FASN: variants seen among roughly 807,000 people sequenced by gnomAD.
FASN encodes 3-hydroxyacyl-[acyl-carrier-protein] dehydratase.
In FASN, 50 loss-of-function variants were observed where a neutral mutation model predicts 250.0. The observed-to-expected ratio is 0.20, with a 90% CI of 0.16 to 0.25. The LOEUF (loss-of-function observed/expected upper bound fraction) is 0.25. Ranked by LOEUF, FASN falls within the 10% of genes least tolerant of loss-of-function variation. The pLI, the probability that FASN is intolerant of heterozygous loss-of-function variation, is 1.00. For synonymous variants in FASN, 1,909 were observed against 1,584.0 expected, an observed-to-expected ratio of 1.21 and a Z score of -4.87; for missense variants, 3,031 against 3,498.5, an observed-to-expected ratio of 0.87 and a Z score of 3.37.
chr17:82,080,990 C>T (rs1598572717), intron 38 of FASN, 68 bp from the exon 39 acceptor site: 2 of 1,460,888 alleles, frequency 1.4e-6, no homozygotes, highest in East Asian at 4.9e-5. Context: ...CAAGGACACA[C>T]AGACACGCAC....
In FASN at chr17:82,086,487, C is replaced by A. The variant is rs758283388; in HGVS notation, c.3499G>T (p.Ala1167Ser). Residue 1167 changes from alanine (A) to serine (S), a missense_variant, in exon 22 of 43, where the codon GCC (alanine) becomes TCC (serine). Ala to Ser is a moderately conservative substitution (Grantham distance 99, BLOSUM62 1). Transcript: ENST00000306749. ...LKMVVPGLDGAQIPRDPSQQE... is the reference protein window; with the variant it reads ...LKMVVPGLDGSQIPRDPSQQE... ...TGTGAGGGGTCCCGGGGGATCTGGG[C>A]CCCATCCAGTCCGGGCACCACCATC... 1 of 1,612,464 alleles carries A rather than the reference C, an allele frequency of 6.2e-7. No individual in the cohort carries two copies. The highest frequency in any genetic ancestry group is 8.5e-7 in the Non-Finnish European group (1 of 1,179,948).
At chr17:82,091,163 C>G in intron 9 of FASN, 59 bp downstream of exon 9, 1 of 1,600,060 alleles carries the variant, frequency 6.2e-7, no homozygotes, top group Non-Finnish European at 8.5e-7. Flanking sequence ...ACCACCAGCT[C>G]CAGTTCGCCT....
rs780714845 is a variant in FASN, at chr17:82,091,688, C to CCG, written c.1030-5_1030-4insCG. 1.7e-5 allele frequency: 26 copies of CCG among 1,569,476 alleles called. No homozygotes were observed. The highest frequency in any genetic ancestry group is 2.2e-5 in the Non-Finnish European group (26 of 1,157,308). On this transcript the variant is annotated splice_region_variant and splice_polypyrimidine_tract_variant and intron_variant, in intron 8 of 42. Coordinates refer to ENST00000306749, the MANE Select transcript of FASN (RefSeq NM_004104.5). ...CGTGCTCCAGGGACAGCAGCACCTGCGGGGGTACGTGGTGGATGGGCAGCC... is the reference window on the plus strand; with the variant it reads ...CGTGCTCCAGGGACAGCAGCACCTGCCGGGGGGTACGTGGTGGATGGGCAGCC...
At chr17:82,091,837 A>T (rs1283331252) in intron 8 of FASN, among the ~76,000 whole-genome samples, 153 bp from the exon 9 acceptor site, 2 of 152,072 alleles carry the variant, frequency 1.3e-5, no homozygotes, top group Non-Finnish European at 2.9e-5. Flanking sequence ...CTGCCATGGC[A>T]CAGGGGTCCG....
intron 1 of FASN, 133 bp from the exon 2 acceptor site, chr17:82,096,585 T>C (rs1276864294): frequency 2.9e-6 from 4 of 1,361,862 alleles, no homozygotes; most frequent in African/African-American, 2.9e-5. Flanking sequence ...CCCTGGCTCC[T>C]GCGGCTCCCT....
chr17:82,091,368 G>A lies in FASN; in HGVS notation c.1346C>T (p.Ala449Val). ...EQGLRHSQDLAFLSMLNDIAA... is the reference protein window; with the variant it reads ...EQGLRHSQDLVFLSMLNDIAA... Reference sequence around the variant, plus strand: ...GATGTCGTTCAGCATGCTCAGGAAAGCCAGGTCCTGGCTGTGCCGGAGGCC... The same window carrying A: ...GATGTCGTTCAGCATGCTCAGGAAAACCAGGTCCTGGCTGTGCCGGAGGCC... Residue 449 changes from alanine to valine, a missense_variant, in exon 9 of 43, where the codon GCT (alanine) becomes GTT (valine). Coordinates refer to ENST00000306749, the MANE Select transcript of FASN (RefSeq NM_004104.5). 1 of 1,611,092 alleles carries A rather than the reference G, an allele frequency of 6.2e-7. No homozygotes were observed. Among genetic ancestry groups the A allele is most frequent in the Non-Finnish European group, 8.5e-7 (1 of 1,179,296 alleles).
chr17:82,092,518 G>A lies in FASN; in HGVS notation c.966C>T (p.Ile322=), dbSNP rs200366210. The A allele has an allele frequency of 1.8e-4, 287 of 1,604,152 alleles. 1 individual carries two copies. The East Asian group carries it at 4.3e-3, about 24-fold the overall frequency. Residue 322 remains isoleucine, a synonymous_variant, in exon 8 of 43, where the codon ATC becomes ATT. Transcript: ENST00000306749. The part of the protein sequence containing the change: ...LCATRQEPLL[I]GSTKSNMGHP... ...GCCCCATGTTGGACTTGGTGGAGCCGATGAGCAGCGGCTCCTGGCGGGTGG... is the reference window on the plus strand; with the variant it reads ...GCCCCATGTTGGACTTGGTGGAGCCAATGAGCAGCGGCTCCTGGCGGGTGG...
rs1032848806 is a variant in FASN at position 82,083,955 on chromosome 17, C to T, written c.5098+20G>A. 6 of 1,544,084 alleles carry T rather than the reference C, an allele frequency of 3.9e-6. No individual in the cohort carries two copies. The African/African-American group carries it at 5.5e-5, about 14-fold the overall frequency. ...GCGGGGCCAGGAGGGCAGCGGGAGGCACCGGGGGCGGGGCCTTACCCACGG... is the reference window on the plus strand; with the variant it reads ...GCGGGGCCAGGAGGGCAGCGGGAGGTACCGGGGGCGGGGCCTTACCCACGG... On this transcript the variant is annotated intron_variant, in intron 29 of 42. Transcript: ENST00000306749.
At chr17:82,097,761 T>C (rs961933878) in intron 1 of FASN, among the ~76,000 whole-genome samples, 1 of 151,884 alleles carries the variant, frequency 6.6e-6, no homozygotes, top group South Asian at 2.1e-4. Flanking sequence ...GGGCCTCGGC[T>C]CCGGGGCGGC....
In FASN at chr17:82,079,376, G is replaced by C. The variant is rs751413369; in HGVS notation, c.7379C>G (p.Ala2460Gly). The change falls in exon 42 of 43, where the codon GCG becomes GGG. Residue 2460 changes from alanine (A) to glycine (G), a missense_variant. Coordinates refer to ENST00000306749, the MANE Select transcript of FASN (RefSeq NM_004104.5). Reference protein sequence around the residue: ...TGGAYGEDLGADYNLSQVCDG... With the variant: ...TGGAYGEDLGGDYNLSQVCDG... ...GCGCACCTGGGAGAGGTTGTAGTCC[G>C]CGCCCAGGTCCTCGCCGTAGGCGCC... 2 of 1,612,950 alleles carry C rather than the reference G, an allele frequency of 1.2e-6. No individual in the cohort carries two copies. The highest frequency in any genetic ancestry group is 1.7e-4 in the Middle Eastern group (1 of 6,060).
rs764261432 is a variant in FASN at position 82,088,381 on chromosome 17, C to A, written c.2593+9G>T. On this transcript the variant is annotated intron_variant, in intron 16 of 42. Coordinates refer to ENST00000306749, the MANE Select transcript of FASN (RefSeq NM_004104.5). ...GAAGAGTCTGCCCACCCGCCGGGCC[C>A]CTGCTCACCGATGTTGTAGATGGCG... 3.7e-6 allele frequency: 6 copies of A among 1,612,088 alleles called. No homozygotes were observed. Among genetic ancestry groups the A allele is most frequent in the South Asian group, 3.3e-5 (3 of 91,064 alleles).
Position 82,078,942 on chromosome 17 carries a change from C to T in FASN, c.*201G>A. On this transcript the variant is annotated 3_prime_UTR_variant, in exon 43 of 43. Coordinates refer to ENST00000306749, the MANE Select transcript of FASN (RefSeq NM_004104.5). This position sits in a 1 kb window ranked among gnomAD's most constrained non-coding sequence, Gnocchi z 5.4. ...ACCAGGAGTCTCCAAGTCGGCAGCT[C>T]TGGTGTCCCCGAGGTGCCGTGGGAG... 1 of 664,454 alleles carries T rather than the reference C, an allele frequency of 1.5e-6. No individual in the cohort carries two copies. 41.2% of individuals were successfully genotyped at this position (664,454 alleles called of 1,614,324 possible). A position where few individuals can be genotyped will look rare whatever the true frequency, so the allele number is the denominator to read the frequency against.
chr17:82,087,565 G>T, intron 19 of FASN, 61 bp from the exon 20 acceptor site: 1 of 1,603,202 alleles, frequency 6.2e-7, no homozygotes. Context: ...ACCTCCCAGA[G>T]CCCACCGGGC....
At position 82,081,344 on chromosome 17, in the gene FASN, C is replaced by T. The variant is rs1395700461; in HGVS notation, c.6415G>A (p.Asp2139Asn). Residue 2139 changes from aspartate (D) to asparagine (N), a missense_variant, in exon 38 of 43, where the codon GAC becomes AAC. Asp to Asn is a conservative substitution (Grantham distance 23). Coordinates refer to ENST00000306749, the MANE Select transcript of FASN (RefSeq NM_004104.5). ...EAVAHILGIRDLAAVNLDSSL... is the reference protein window; with the variant it reads ...EAVAHILGIRNLAAVNLDSSL... ...CTGTCCAGGTTGACAGCAGCCAAGT[C>T]GCGGATGCCTGGAAGGGATGCGCCG... 4.5e-6 allele frequency: 7 copies of T among 1,558,736 alleles called. No individual in the cohort carries two copies. The highest frequency in any genetic ancestry group is 4.8e-5 in the East Asian group (2 of 41,954).
intron 8 of FASN, 132 bp downstream of exon 8, chr17:82,092,318 AGCCCG>A: frequency 1.1e-6 from 1 of 928,384 alleles, no homozygotes; most frequent in South Asian, 1.5e-5. Flanking sequence ...CCTGCAGCAT[AGCCCG>A]GGGGACAGAG....
Position 82,082,091 on chromosome 17 carries a change from G to C in FASN, c.6081C>G (p.Gly2027=), listed in dbSNP as rs950642138. Residue 2027 remains glycine (G), a synonymous_variant, in exon 36 of 43, where the codon GGC becomes GGG. Coordinates refer to ENST00000306749, the MANE Select transcript of FASN (RefSeq NM_004104.5). ...VVFSSVSCGR[G]NAGQSNYGFA... is the part of the protein sequence containing the mutation. ...AGCCGTAGTTGCTCTGTCCCGCATTGCCACGCCCGCAGCTCACAGAGGAGA... is the reference window on the plus strand; with the variant it reads ...AGCCGTAGTTGCTCTGTCCCGCATTCCCACGCCCGCAGCTCACAGAGGAGA... The C allele has an allele frequency of 6.2e-7, 1 of 1,609,508 alleles. No individual in the cohort carries two copies. Among genetic ancestry groups the C allele is most frequent in the Admixed American group, 1.7e-5 (1 of 60,014 alleles).
rs138389856 is a variant in FASN, at chr17:82,083,830, G to A, written c.5160C>T (p.Phe1720=). 50 of 1,604,556 alleles carry A rather than the reference G, an allele frequency of 3.1e-5. No individual in the cohort carries two copies. The African/African-American group carries it at 3.9e-4, about 12-fold the overall frequency. The change falls in exon 30 of 43, where the codon TTC becomes TTT. Residue 1720 remains phenylalanine (F), a synonymous_variant. Transcript: ENST00000306749. ...CGAAGGATGTGTCCCGGGAGTTGGCGAAGCTGGTGCTGTCGAGCTGGGGGA... is the reference window on the plus strand; with the variant it reads ...CGAAGGATGTGTCCCGGGAGTTGGCAAAGCTGGTGCTGTCGAGCTGGGGGA... The part of the protein sequence containing the change: ...ARFPQLDSTS[F]ANSRDTSFEQ...
Position 82,095,532 on chromosome 17 carries a change from T to G in FASN, c.128-60A>C, listed in dbSNP as rs570320772. On this transcript the variant is annotated intron_variant, in intron 2 of 42. Coordinates refer to ENST00000306749, the MANE Select transcript of FASN (RefSeq NM_004104.5). ...AAGCTGCCCAGAGGTGGGGGCCCTG[T>G]GGGGTGCTGCAGGCCCCTGGAGGGG... 5 of 1,598,464 alleles carry G rather than the reference T, an allele frequency of 3.1e-6. No individual in the cohort carries two copies. In the African/African-American group the frequency reaches 6.7e-5, roughly 21 times the overall value.
At position 82,088,182 on chromosome 17, in the gene FASN, C is replaced by A; in HGVS notation, c.2719G>T (p.Val907Phe). The change falls in exon 17 of 43, where the codon GTC becomes TTC. Residue 907 changes from valine (V) to phenylalanine (F), a missense_variant. By Grantham distance (50) the Val-to-Phe change is conservative. Coordinates refer to ENST00000306749, the MANE Select transcript of FASN (RefSeq NM_004104.5). ...KTLARALGLG[V>F]EQLPVVFEDV... ...TCAAACACCACAGGCAGCTGCTCGA[C>A]GCCCAGGCCCAGGGCGCGGGCCAGC... The A allele has an allele frequency of 6.2e-7, 1 of 1,612,628 alleles. No individual in the cohort carries two copies. Among genetic ancestry groups the A allele is most frequent in the African/African-American group, 1.3e-5 (1 of 75,062 alleles).
Sources: gnomAD v4.1 joint callset for allele counts (sites outside exome capture counted in the v4.1 genomes callset) on GRCh38, gnomAD v4.1.1 for gene constraint, Gnocchi (gnomAD v3.1) non-coding constraint, MANE v1.5 for transcripts, NCBI Gene and HGNC (gene_info 2026-07-23, HGNC 2026-07-21) for gene names.